The following KALRN variants were observed in gnomAD, a reference collection of about 807,000 sequenced individuals.
KALRN encodes the protein kalirin.
Under a neutral mutation model 353.7 loss-of-function variants are expected in KALRN, and 70 were observed. The observed-to-expected ratio is 0.20, with a 90% CI of 0.16 to 0.24. The LOEUF is 0.24. Ranked by LOEUF, KALRN falls within the 10% of genes least tolerant of loss-of-function variation. The pLI is 1.00. For missense variants in KALRN, 2,791 were observed against 3,756.7 expected (o/e 0.74, Z 6.72); for synonymous variants, 1,391 against 1,434.8 (o/e 0.97, Z 0.69).
At position 124,488,329 on chromosome 3, in the gene KALRN, C is replaced by T; in HGVS notation, c.4396+14C>T. 2 of 1,545,622 alleles carry T rather than the reference C, an allele frequency of 1.3e-6. No individual in the cohort carries two copies. Among genetic ancestry groups the T allele is most frequent in the Non-Finnish European group, 1.8e-6 (2 of 1,117,610 alleles). Reference sequence around the variant, plus strand: ...GCATGCTGGAAGGTAGCTGTCCTCCCAGCACTGGGGAAGCCTCCTCTCTTC... The same window carrying T: ...GCATGCTGGAAGGTAGCTGTCCTCCTAGCACTGGGGAAGCCTCCTCTCTTC... On this transcript the variant is annotated intron_variant, in intron 29 of 59. Transcript: ENST00000682506.
At chr3:124,309,094 A>G (rs2077992705) in intron 6 of KALRN, among the ~76,000 whole-genome samples, 1 of 152,212 alleles carries the variant, frequency 6.6e-6, no homozygotes, top group South Asian at 2.1e-4. Flanking sequence ...TACTGATTCA[A>G]GAAGAAATAG....
At chr3:124,264,319 A>G (rs968025422) in intron 3 of KALRN, among the ~76,000 whole-genome samples, 179 bp from the exon 4 acceptor site, 3 of 152,214 alleles carry the variant, frequency 2.0e-5, no homozygotes, top group African/African-American at 7.2e-5. Flanking sequence ...TCAGATGTAG[A>G]AAGGGTTTTC....
chr3:124,376,668 G>T lies in KALRN; in HGVS notation c.1771-8177G>T, dbSNP rs1033159050. Among the ~76,000 whole-genome samples, 3 of 152,082 alleles carry T rather than the reference G, an allele frequency of 2.0e-5. 1 individual carries two copies. The South Asian group carries it at 6.2e-4, about 32-fold the overall frequency. Reference sequence around the variant, plus strand: ...ACTGAATTGCTTTATTTTATCCTGGGATCCTAACCTTCATTTACATGGCAA... The same window carrying T: ...ACTGAATTGCTTTATTTTATCCTGGTATCCTAACCTTCATTTACATGGCAA... On this transcript the variant is annotated intron_variant, in intron 10 of 59. Coordinates refer to ENST00000682506, the MANE Select transcript of KALRN (RefSeq NM_001388419.1).
rs79344570 is a variant in KALRN, at chr3:124,194,976, G to C, written c.74-33014G>C. 1.2e-3 allele frequency among the ~76,000 whole-genome samples: 185 copies of C among 152,270 alleles called. 3 individuals carry two copies. In the East Asian group the frequency reaches 0.029, roughly 24 times the overall value. ...AAGGCAGTGATGGTAGGTATAGGGG[G>C]GATGGGAGAATGACAAGTATGAGAA... On this transcript the variant is annotated intron_variant, in intron 1 of 59. Transcript: ENST00000682506.
intron 33 of KALRN, among the ~76,000 whole-genome samples, chr3:124,551,705 G>A (rs950422853): frequency 2.6e-5 from 4 of 152,180 alleles, no homozygotes; most frequent in Non-Finnish European, 5.9e-5. Context: ...CTTTCTGAGG[G>A]ACCCCATTCC....
intron 6 of KALRN, among the ~76,000 whole-genome samples, chr3:124,324,261 C>A (rs1367901874): frequency 6.6e-6 from 1 of 152,162 alleles, no homozygotes; most frequent in South Asian, 2.1e-4. Flanking sequence ...TTGGGGAGAA[C>A]CCAAAGTAAG....
intron 2 of KALRN, among the ~76,000 whole-genome samples, chr3:124,234,313 AACTT>A (rs1333286522): frequency 6.6e-6 from 1 of 152,132 alleles, no homozygotes; most frequent in African/African-American, 2.4e-5. Flanking sequence ...TGAATCTGAA[AACTT>A]CCCAGTAATG....
chr3:124,037,514 G>A (rs2039541660), intron 1 of KALRN, among the ~76,000 whole-genome samples: 1 of 152,302 alleles, frequency 6.6e-6, no homozygotes, highest in Admixed American at 6.5e-5. Context: ...GGGCAGTAGG[G>A]AGTCATTATG....
chr3:124,094,795 C>T (rs1448653287), intron 1 of KALRN: 24 of 1,566,418 alleles, frequency 1.5e-5, no homozygotes, highest in Non-Finnish European at 2.0e-5. Flanking sequence ...TGGGATGAGG[C>T]TCTGCCGAGG....
intron 34 of KALRN, among the ~76,000 whole-genome samples, chr3:124,629,497 T>G (rs2080497052): frequency 6.6e-6 from 1 of 152,260 alleles, no homozygotes; most frequent in African/African-American, 2.4e-5. Context: ...AGGTTCTCTT[T>G]CTCCACTAAT....
At chr3:124,067,992 G>T (rs147910927) in intron 1 of KALRN, among the ~76,000 whole-genome samples, 3,195 of 152,330 alleles carry the variant, frequency 0.021, 108 homozygotes, top group African/African-American at 0.071. Flanking sequence ...CTGGTTGGCA[G>T]TGGCCTTAAG....
chr3:124,455,237 C>T lies in KALRN; in HGVS notation c.3613C>T (p.His1205Tyr). Residue 1205 changes from histidine to tyrosine, a missense_variant, in exon 22 of 60, where the codon CAC (histidine) becomes TAC (tyrosine). Physicochemically the swap from His to Tyr is moderately conservative, Grantham distance 83 (BLOSUM62 2). Coordinates refer to ENST00000682506, the MANE Select transcript of KALRN (RefSeq NM_001388419.1). ...GGCCGATAGCTTTGTGGAAAAAGGC[C>T]ACATTCATGCCACGGAGATAAGGAA... ...QLADSFVEKGHIHATEIRKWV... is the reference protein window; with the variant it reads ...QLADSFVEKGYIHATEIRKWV... 6.2e-7 allele frequency: 1 copy of T among 1,614,098 alleles called. No individual in the cohort carries two copies. The highest frequency in any genetic ancestry group is 8.5e-7 in the Non-Finnish European group (1 of 1,180,004).
chr3:124,551,954 A>T (rs1366500939), intron 33 of KALRN, among the ~76,000 whole-genome samples: 1 of 152,196 alleles, frequency 6.6e-6, no homozygotes, highest in African/African-American at 2.4e-5. Context: ...AGCTATTAGG[A>T]TGCAATCTTT....
At position 124,234,705 on chromosome 3, in the gene KALRN, C is replaced by A. The variant is rs537697856; in HGVS notation, c.149-124C>A. 4 of 714,990 alleles carry A rather than the reference C, an allele frequency of 5.6e-6. No homozygotes were observed. In the Admixed American group the frequency reaches 9.3e-5, roughly 17 times the overall value. 44.3% of individuals were successfully genotyped at this position (714,990 alleles called of 1,614,324 possible). On this transcript the variant is annotated intron_variant, in intron 2 of 59. Transcript: ENST00000682506. The stretch of plus-strand genomic sequence containing the variant: ...CCCCCCACCTTGTCCTAAGCAGTGA[C>A]CAGATTTCTCTGGATACCCTATTTC...
chr3:124,218,394 C>T (rs547939899), intron 1 of KALRN, among the ~76,000 whole-genome samples: 1 of 152,176 alleles, frequency 6.6e-6, no homozygotes, highest in Non-Finnish European at 1.5e-5. Context: ...TGCCCCTCGG[C>T]GCCTTTGTAA....
At chr3:124,096,995 C>G (rs2061494462) in intron 1 of KALRN, among the ~76,000 whole-genome samples, 1 of 152,124 alleles carries the variant, frequency 6.6e-6, no homozygotes. Flanking sequence ...TAGGGTTTTC[C>G]TTAATGTGAA....
intron 5 of KALRN, among the ~76,000 whole-genome samples, chr3:124,273,606 T>G (rs2074390595): frequency 6.6e-6 from 1 of 152,234 alleles, no homozygotes; most frequent in Admixed American, 6.5e-5. Flanking sequence ...TTTGTTTCCC[T>G]TTGCATAAAC....
intron 6 of KALRN, among the ~76,000 whole-genome samples, chr3:124,313,896 G>A (rs953174555): frequency 9.2e-5 from 14 of 152,152 alleles, no homozygotes; most frequent in Non-Finnish European, 1.6e-4. Flanking sequence ...GTTCATTTGT[G>A]TTGCTATAAG....
chr3:124,434,984 T>G (rs894330933), intron 17 of KALRN, among the ~76,000 whole-genome samples: 2 of 152,258 alleles, frequency 1.3e-5, no homozygotes, highest in African/African-American at 4.8e-5. Context: ...TTCCCATGTC[T>G]CTTGTCCTCC....
Sources: gnomAD v4.1 joint callset for allele counts (sites outside exome capture counted in the v4.1 genomes callset) on GRCh38, gnomAD v4.1.1 for gene constraint, MANE v1.5 for transcripts, NCBI Gene and HGNC (gene_info 2026-07-23, HGNC 2026-07-21) for gene names.